The following AP1B1 variants were observed in gnomAD, a reference collection of about 807,000 sequenced individuals.
AP1B1 encodes adaptor related protein complex 1 subunit beta 1.
In AP1B1, 36 loss-of-function variants were observed where a neutral mutation model predicts 104.3. That is an observed-to-expected ratio of 0.35 (90% CI 0.26 to 0.46). AP1B1 has a LOEUF of 0.46. Ranked by LOEUF, AP1B1 falls within the 20% of genes least tolerant of loss-of-function variation. The pLI is 1.00. For synonymous variants in AP1B1, 504 were observed against 517.5 expected (o/e 0.97, Z 0.35); for missense variants, 901 against 1,247.9 (o/e 0.72, Z 4.19).
chr22:29,387,277 C>T (rs1401331160), intron 1 of AP1B1, among the ~76,000 whole-genome samples: 3 of 151,602 alleles, frequency 2.0e-5, no homozygotes, highest in Non-Finnish European at 1.5e-5. Flanking sequence ...TGACATAAAT[C>T]CAAATAAATA....
chr22:29,335,259 G>A (rs983675607), intron 16 of AP1B1, among the ~76,000 whole-genome samples: 1 of 152,130 alleles, frequency 6.6e-6, no homozygotes, highest in African/African-American at 2.4e-5. Context: ...CCTCTCAGGC[G>A]GTTACTCTCC....
At chr22:29,372,471 TA>T (rs2062257599) in intron 1 of AP1B1, among the ~76,000 whole-genome samples, 1 of 147,632 alleles carries the variant, frequency 6.8e-6, no homozygotes, top group South Asian at 2.2e-4. Flanking sequence ...AACTGAGCAA[TA>T]AAGCCTAAAA....
At position 29,350,031 on chromosome 22, in the gene AP1B1, G is replaced by T. The variant is rs373114276; in HGVS notation, c.1271+4C>A. ...GCCCTCTCCCTAGGAGGGCGGGCAC[G>T]CACTTGTTGGGGTACTTGCGGAAGA... On this transcript the variant is annotated splice_donor_region_variant and intron_variant, in intron 10 of 22. Coordinates refer to ENST00000357586, the MANE Select transcript of AP1B1 (RefSeq NM_001127.4). 7 of 1,612,220 alleles carry T rather than the reference G, an allele frequency of 4.3e-6. No homozygotes were observed. The highest frequency in any genetic ancestry group is 5.1e-6 in the Non-Finnish European group (6 of 1,178,248).
At chr22:29,369,518 G>A (rs2062197355) in intron 1 of AP1B1, among the ~76,000 whole-genome samples, 2 of 152,248 alleles carry the variant, frequency 1.3e-5, no homozygotes, top group South Asian at 4.1e-4. Flanking sequence ...GCAGGAAAGA[G>A]CAGAAGAGCC....
chr22:29,383,950 T>C (rs913574909), intron 1 of AP1B1, among the ~76,000 whole-genome samples: 3 of 151,772 alleles, frequency 2.0e-5, no homozygotes, highest in Non-Finnish European at 4.4e-5. Flanking sequence ...CAGCATGAGG[T>C]GTAGGAGTGT....
At chr22:29,364,235 A>G (rs1305245667) in intron 2 of AP1B1, among the ~76,000 whole-genome samples, 3 of 152,192 alleles carry the variant, frequency 2.0e-5, no homozygotes, top group Non-Finnish European at 4.4e-5. Context: ...TTGGTTGCTC[A>G]GCTCTGAAAA....
chr22:29,376,981 A>T (rs1412402747), intron 1 of AP1B1, among the ~76,000 whole-genome samples: 1 of 152,062 alleles, frequency 6.6e-6, no homozygotes, highest in Non-Finnish European at 1.5e-5. Flanking sequence ...GGATCACTTG[A>T]GGTCAGGAGA....
intron 21 of AP1B1, 129 bp downstream of exon 21, chr22:29,330,249 G>A: frequency 6.6e-7 from 1 of 1,511,802 alleles, no homozygotes; most frequent in Non-Finnish European, 8.9e-7. Context: ...TCCTTCTCAG[G>A]GACCAAACTG....
rs966576216 is a variant in AP1B1 at position 29,358,630 on chromosome 22, T to C, written c.525+96A>G. ...GCACCCCCAGCCAGGCTCCGACTTC[T>C]AGGTACTCAGGACTGCCTGGTGAAG... On this transcript the variant is annotated intron_variant, in intron 5 of 22. Transcript: ENST00000357586. 1.8e-5 allele frequency: 27 copies of C among 1,493,334 alleles called. No individual in the cohort carries two copies. The Admixed American group carries it at 3.0e-4, about 16-fold the overall frequency. The allele number at this position is 1,493,334 out of a possible 1,614,324, so 92.5% of individuals were successfully genotyped here.
At chr22:29,359,083 C>A in intron 4 of AP1B1, 112 bp from the exon 5 acceptor site, 1 of 1,111,878 alleles carries the variant, frequency 9.0e-7, no homozygotes. Flanking sequence ...CATCAGATGG[C>A]TGCTGTGGAT....
At chr22:29,366,448 C>A (rs1402935051) in intron 2 of AP1B1, among the ~76,000 whole-genome samples, 1 of 152,052 alleles carries the variant, frequency 6.6e-6, no homozygotes, top group Non-Finnish European at 1.5e-5. Flanking sequence ...ACCAGCCTGA[C>A]CAACATGGAG....
Position 29,350,016 on chromosome 22 carries a change from T to A in AP1B1, c.1271+19A>T. On this transcript the variant is annotated intron_variant, in intron 10 of 22. Coordinates refer to ENST00000357586, the MANE Select transcript of AP1B1 (RefSeq NM_001127.4). ...CAGGCAGAGCTAGATGCCCTCTCCC[T>A]AGGAGGGCGGGCACGCACTTGTTGG... The A allele has an allele frequency of 7.6e-6, 12 of 1,587,048 alleles. No individual in the cohort carries two copies. Among genetic ancestry groups the A allele is most frequent in the Non-Finnish European group, 9.5e-6 (11 of 1,155,344 alleles).
At chr22:29,373,222 A>G (rs560775789) in intron 1 of AP1B1, among the ~76,000 whole-genome samples, 1 of 152,260 alleles carries the variant, frequency 6.6e-6, no homozygotes, top group African/African-American at 2.4e-5. Flanking sequence ...CAGTGAGCCA[A>G]CATCGCACTA....
intron 1 of AP1B1, among the ~76,000 whole-genome samples, chr22:29,378,552 CAAAAA>C (rs145933767): frequency 4.1e-5 from 2 of 48,498 alleles, no homozygotes; most frequent in African/African-American, 1.6e-4. Flanking sequence ...AACTCCGTAT[CAAAAA>C]AAAAAAAAAA....
At chr22:29,348,279 A>G (rs555641910) in intron 11 of AP1B1, among the ~76,000 whole-genome samples, 3 of 152,338 alleles carry the variant, frequency 2.0e-5, no homozygotes, top group African/African-American at 4.8e-5. Flanking sequence ...GAGGTCAAAT[A>G]AGGCAACACT....
At chr22:29,366,360 G>A (rs913478395) in intron 2 of AP1B1, among the ~76,000 whole-genome samples, 6 of 152,114 alleles carry the variant, frequency 3.9e-5, no homozygotes, top group South Asian at 2.1e-4. Context: ...ATGCCTGACC[G>A]GCCGCGGTGG....
intron 17 of AP1B1, among the ~76,000 whole-genome samples, chr22:29,332,664 G>T (rs1441806922): frequency 6.6e-6 from 1 of 152,216 alleles, no homozygotes; most frequent in Non-Finnish European, 1.5e-5. Flanking sequence ...CACCGTCTCA[G>T]GGAGGAGCAG....
intron 10 of AP1B1, 125 bp from the exon 11 acceptor site, chr22:29,349,508 G>C (rs755476195): frequency 1.0e-6 from 1 of 984,344 alleles, no homozygotes; most frequent in Non-Finnish European, 1.5e-6. Context: ...AGGTAAAGGG[G>C]ATCTGAGTTT....
In AP1B1 at chr22:29,338,974, A is replaced by T. The variant is rs768795082; in HGVS notation, c.2163+16T>A. The T allele has an allele frequency of 6.2e-7, 1 of 1,613,940 alleles. No individual in the cohort carries two copies. Among genetic ancestry groups the T allele is most frequent in the Non-Finnish European group, 8.5e-7 (1 of 1,179,950 alleles). On this transcript the variant is annotated intron_variant, in intron 16 of 22. Transcript: ENST00000357586. ...CTTCTCTCTGCTCCCGCCAAGACAGAAGACAAGTGACTTACTGCTTTGGGG... is the reference window on the plus strand; with the variant it reads ...CTTCTCTCTGCTCCCGCCAAGACAGTAGACAAGTGACTTACTGCTTTGGGG...
Sources: gnomAD v4.1 joint callset for allele counts (sites outside exome capture counted in the v4.1 genomes callset) on GRCh38, gnomAD v4.1.1 for gene constraint, MANE v1.5 for transcripts, NCBI Gene and HGNC (gene_info 2026-07-23, HGNC 2026-07-21) for gene names.